AFF2: variants seen among roughly 807,000 people sequenced by gnomAD.
AFF2 encodes AF4/FMR2 family member 2.
A neutral mutation model predicts 76.9 loss-of-function variants in AFF2; 14 were observed. The observed-to-expected ratio is 0.18, with a 90% CI of 0.12 to 0.28. The LOEUF (loss-of-function observed/expected upper bound fraction) is 0.28, where lower values mean the gene tolerates loss of function less well. AFF2 is among the 10% of genes least tolerant of loss of function. AFF2 has a pLI of 1.00. For synonymous variants in AFF2, 398 were observed against 366.7 expected (o/e 1.09, Z -0.98); for missense variants, 868 against 1,001.1 (o/e 0.87, Z 1.79).
chrX:148,860,053 C>T (rs1429313414), intron 7 of AFF2, among the ~76,000 whole-genome samples: 7 of 111,534 alleles, frequency 6.3e-5, no homozygotes, highest in Non-Finnish European at 1.1e-4. Context: ...AAATTTGAGT[C>T]GATAGTTTAT....
intron 7 of AFF2, among the ~76,000 whole-genome samples, chrX:148,874,510 G>C (rs1251353207): frequency 1.8e-5 from 2 of 111,289 alleles, no homozygotes; most frequent in East Asian, 5.7e-4. Context: ...AAGAGCACAG[G>C]CTGGACCTGT....
At position 148,962,819 on chromosome X, in the gene AFF2, G is replaced by T; in HGVS notation, c.2795G>T (p.Gly932Val). 8.3e-7 allele frequency: 1 copy of T among 1,209,173 alleles called. No individual in the cohort carries two copies. The highest frequency in any genetic ancestry group is 1.1e-6 in the Non-Finnish European group (1 of 893,053). Residue 932 changes from glycine (G) to valine (V), a missense_variant, in exon 13 of 21, where the codon GGC becomes GTC. Physicochemically the swap from Gly to Val is moderately radical, Grantham distance 109. Transcript: ENST00000370460. ...CCTCCACGCCGCAGAAATGTCAGTG[G>T]CAATAATGGTCCCTTTGGTCAAGAC... ...EDPPRRRNVS[G>V]NNGPFGQDKN...
At chrX:148,675,980 A>G (rs1557259438) in intron 3 of AFF2, among the ~76,000 whole-genome samples, 1 of 111,241 alleles carries the variant, frequency 9.0e-6, no homozygotes, top group Non-Finnish European at 1.9e-5. Context: ...CATTTAGCTC[A>G]AGGACAAACA....
intron 3 of AFF2, among the ~76,000 whole-genome samples, chrX:148,721,405 T>C (rs782764179): frequency 8.9e-6 from 1 of 112,203 alleles, no homozygotes; most frequent in East Asian, 2.8e-4. Flanking sequence ...TAATCGTCTC[T>C]ACCTCATAGT....
intron 9 of AFF2, 96 bp from the exon 10 acceptor site, chrX:148,953,484 G>A (rs1231733097): frequency 4.2e-6 from 4 of 960,370 alleles, no homozygotes; most frequent in South Asian, 2.5e-5. Flanking sequence ...CACTCTACCT[G>A]CATTTCACAG....
intron 1 of AFF2, among the ~76,000 whole-genome samples, chrX:148,542,174 T>C (rs781876267): frequency 9.1e-6 from 1 of 110,058 alleles, no homozygotes; most frequent in South Asian, 3.9e-4. Context: ...GTGCAAGTCA[T>C]ATATGTGATA....
At chrX:148,601,680 A>T (rs1557248097) in intron 1 of AFF2, among the ~76,000 whole-genome samples, 1 of 111,606 alleles carries the variant, frequency 9.0e-6, no homozygotes, top group Non-Finnish European at 1.9e-5. Flanking sequence ...CCTGAAATCC[A>T]TATATTGTGA....
At chrX:148,570,059 A>G (rs932325461) in intron 1 of AFF2, among the ~76,000 whole-genome samples, 4 of 111,800 alleles carry the variant, frequency 3.6e-5, no homozygotes, top group African/African-American at 1.3e-4. Context: ...ATTTTGATGG[A>G]TCAAGATGCA....
chrX:148,539,969 T>C (rs1439894500), intron 1 of AFF2, among the ~76,000 whole-genome samples: 2 of 111,560 alleles, frequency 1.8e-5, no homozygotes, highest in Non-Finnish European at 3.8e-5. Context: ...TATGTCTGTA[T>C]CTCTGCTTTA....
intron 1 of AFF2, among the ~76,000 whole-genome samples, chrX:148,538,604 A>C (rs1328310930): frequency 8.9e-6 from 1 of 112,802 alleles, no homozygotes; most frequent in East Asian, 2.8e-4. Flanking sequence ...ATTTTGATTT[A>C]TCAAAAACAG....
At chrX:148,744,937 G>C (rs2055403247) in intron 3 of AFF2, among the ~76,000 whole-genome samples, 1 of 111,140 alleles carries the variant, frequency 9.0e-6, no homozygotes, top group South Asian at 3.9e-4. Flanking sequence ...GTGAGGGAAG[G>C]ATTCAATGAA....
At chrX:148,946,089 A>AGGAAGTAG (rs2071897451) in intron 9 of AFF2, among the ~76,000 whole-genome samples, 1 of 112,380 alleles carries the variant, frequency 8.9e-6, no homozygotes, top group Non-Finnish European at 1.9e-5. Context: ...CATCTCAGAA[A>AGGAAGTAG]GGAAGTAGGG....
rs1252750357 is a variant in AFF2 at position 149,000,191 on chromosome X, A to G, written c.*8859A>G. ...GCCCCCTTGGCTTTATGAGAATCCA[A>G]TTAGTCTTCTGAACCACCTTTTCTT... On this transcript the variant is annotated 3_prime_UTR_variant, in exon 21 of 21. Transcript: ENST00000370460. 1 of 112,298 alleles carries G rather than the reference A, an allele frequency of 8.9e-6. No individual in the cohort carries two copies. Among genetic ancestry groups the G allele is most frequent in the Non-Finnish European group, 1.9e-5 (1 of 53,248 alleles). 9.3% of individuals were successfully genotyped at this position (112,298 alleles called of 1,213,427 possible). A position where few individuals can be genotyped will look rare whatever the true frequency, so the allele number is the denominator to read the frequency against.
chrX:148,838,308 T>TAA (rs2070553594), intron 5 of AFF2, among the ~76,000 whole-genome samples: 2 of 112,514 alleles, frequency 1.8e-5, no homozygotes. Flanking sequence ...AAAATATATA[T>TAA]AATGTCTTCC....
chrX:148,828,116 T>C (rs2070411157), intron 4 of AFF2, among the ~76,000 whole-genome samples: 1 of 112,297 alleles, frequency 8.9e-6, no homozygotes, highest in South Asian at 3.7e-4. Flanking sequence ...TTGGATGTAG[T>C]TGACGGCAAA....
chrX:148,947,913 G>T (rs1047405064), intron 9 of AFF2, among the ~76,000 whole-genome samples: 1 of 112,469 alleles, frequency 8.9e-6, no homozygotes, highest in Non-Finnish European at 1.9e-5. Flanking sequence ...AACTGAAGAG[G>T]AGAGTTTCAT....
Position 148,575,050 on chromosome X carries a change from A to G in AFF2, c.47+73906A>G, listed in dbSNP as rs1043155493. Among the ~76,000 whole-genome samples the G allele has an allele frequency of 4.6e-5, 5 of 109,394 alleles. No homozygotes were observed. The East Asian group carries it at 1.4e-3, about 32-fold the overall frequency. The allele number at this position is 109,394 out of a possible 115,157, so 95.0% of individuals were successfully genotyped here. A position where few individuals can be genotyped will look rare whatever the true frequency, so the allele number is the denominator to read the frequency against. Reference sequence around the variant, plus strand: ...GAGAAGCACTAAGTAAATGAGAGTCACATTTTTTTTTGTCCGACATAGCAC... The same window carrying G: ...GAGAAGCACTAAGTAAATGAGAGTCGCATTTTTTTTTGTCCGACATAGCAC... On this transcript the variant is annotated intron_variant, in intron 1 of 20. Transcript: ENST00000370460.
intron 7 of AFF2, among the ~76,000 whole-genome samples, chrX:148,875,913 T>C (rs1327536887): frequency 1.8e-5 from 2 of 111,634 alleles, no homozygotes; most frequent in Non-Finnish European, 3.8e-5. Context: ...TTCAGTTGCA[T>C]TTTAGGTAGA....
In AFF2 at chrX:148,956,048, G is replaced by A. The variant is rs782520590; in HGVS notation, c.2003G>A (p.Arg668Lys). The A allele has an allele frequency of 3.3e-6, 4 of 1,208,777 alleles. No homozygotes were observed. The East Asian group carries it at 8.9e-5, about 27-fold the overall frequency. The change falls in exon 11 of 21, where the codon AGA becomes AAA. Residue 668 changes from arginine (R) to lysine (K), a missense_variant. By Grantham distance (26) the Arg-to-Lys change is conservative. Around this residue, in one of 6 missense-constraint regions of AFF2, gnomAD observed 532 missense variants for 564.2 expected, o/e 0.94. Transcript: ENST00000370460. ...AGTGTGGAGCTTCATGACCCACCAA[G>A]AGGCCGCAACAAAGCCACTGCCCAC... ...KESVELHDPPRGRNKATAHKP... is the reference protein window; with the variant it reads ...KESVELHDPPKGRNKATAHKP...
Sources: gnomAD v4.1 joint callset for allele counts (sites outside exome capture counted in the v4.1 genomes callset) on GRCh38, gnomAD v4.1.1 for gene constraint, gnomAD v4.1.1 regional missense constraint, MANE v1.5 for transcripts, NCBI Gene and HGNC (gene_info 2026-07-23, HGNC 2026-07-21) for gene names.